LRP1B: variants seen among roughly 807,000 people sequenced by gnomAD.
LRP1B encodes the protein low-density lipoprotein receptor-related protein 1B.
In LRP1B, 217 loss-of-function variants were observed where a neutral mutation model predicts 556.6. The observed-to-expected ratio is 0.39, with a 90% CI of 0.35 to 0.44. The LOEUF is 0.44. LRP1B is among the 20% of genes least tolerant of loss of function. LRP1B has a pLI of 1.00. For missense variants in LRP1B, 5,053 were observed against 5,620.8 expected (o/e 0.90, Z 3.23); for synonymous variants, 2,047 against 1,865.8 (o/e 1.10, Z -2.50).
chr2:140,593,502 T>C (rs1682310034), intron 43 of LRP1B, among the ~76,000 whole-genome samples: 1 of 152,202 alleles, frequency 6.6e-6, no homozygotes, highest in Non-Finnish European at 1.5e-5. Flanking sequence ...TTCTGGATTT[T>C]TTTGCCTTAA....
At position 140,702,638 on chromosome 2, in the gene LRP1B, G is replaced by A. The variant is rs935087932; in HGVS notation, c.6024-85C>T. 3.3e-6 allele frequency: 4 copies of A among 1,213,698 alleles called. No individual in the cohort carries two copies. The African/African-American group carries it at 6.0e-5, about 18-fold the overall frequency. The allele number at this position is 1,213,698 out of a possible 1,614,324, so 75.2% of individuals were successfully genotyped here. A position where few individuals can be genotyped will look rare whatever the true frequency, so the allele number is the denominator to read the frequency against. Reference sequence around the variant, plus strand: ...ATGCAAAAAGACATTACTAATAACAGCAGTAGCATTCACACTAGAATAAAA... The same window carrying A: ...ATGCAAAAAGACATTACTAATAACAACAGTAGCATTCACACTAGAATAAAA... On this transcript the variant is annotated intron_variant, in intron 37 of 90. Coordinates refer to ENST00000389484, the MANE Select transcript of LRP1B (RefSeq NM_018557.3).
At chr2:141,127,169 C>T (rs932816917) in intron 7 of LRP1B, among the ~76,000 whole-genome samples, 3 of 152,022 alleles carry the variant, frequency 2.0e-5, no homozygotes, top group African/African-American at 7.2e-5. Flanking sequence ...TAGAGAAATG[C>T]AAATTAAAAC....
chr2:141,608,391 A>C (rs941838434), intron 2 of LRP1B, among the ~76,000 whole-genome samples: 5 of 152,218 alleles, frequency 3.3e-5, no homozygotes, highest in Non-Finnish European at 1.5e-5. Context: ...ACAGTATACA[A>C]GGTCACATTA....
At chr2:140,262,651 G>A (rs541688249) in intron 86 of LRP1B, among the ~76,000 whole-genome samples, 3 of 152,220 alleles carry the variant, frequency 2.0e-5, no homozygotes, top group Admixed American at 6.5e-5. Flanking sequence ...ACTGATGTGA[G>A]CAGAATAATA....
intron 1 of LRP1B, among the ~76,000 whole-genome samples, chr2:142,040,232 T>C (rs1704018274): frequency 6.6e-6 from 1 of 151,444 alleles, no homozygotes; most frequent in African/African-American, 2.4e-5. Context: ...ATAATCAAAA[T>C]GTTTGCCTAA....
intron 3 of LRP1B, among the ~76,000 whole-genome samples, chr2:141,266,646 A>G (rs1684902271): frequency 6.6e-6 from 1 of 152,216 alleles, no homozygotes; most frequent in African/African-American, 2.4e-5. Flanking sequence ...CTCATTGGTG[A>G]ATACTGGATT....
At chr2:142,046,897 A>G (rs1704278913) in intron 1 of LRP1B, among the ~76,000 whole-genome samples, 1 of 152,018 alleles carries the variant, frequency 6.6e-6, no homozygotes. Context: ...ATTTCTAGGC[A>G]TTGTAGGTAT....
intron 5 of LRP1B, among the ~76,000 whole-genome samples, chr2:141,243,615 CTTAAA>C (rs920992913): frequency 1.2e-4 from 19 of 152,068 alleles, no homozygotes; most frequent in African/African-American, 2.4e-4. Context: ...ACTATGCATA[CTTAAA>C]TTAAAATTAC....
intron 32 of LRP1B, among the ~76,000 whole-genome samples, chr2:140,785,367 T>G (rs1259017656): frequency 6.6e-6 from 1 of 152,102 alleles, no homozygotes; most frequent in East Asian, 1.9e-4. Context: ...AGAACCTTCC[T>G]GCGTGACAAT....
At chr2:141,024,684 T>A (rs1698167412) in intron 11 of LRP1B, among the ~76,000 whole-genome samples, 1 of 152,038 alleles carries the variant, frequency 6.6e-6, no homozygotes, top group Non-Finnish European at 1.5e-5. Flanking sequence ...CTGTTTTTGT[T>A]CCATGAATTC....
At chr2:141,068,715 T>A (rs545912252) in intron 7 of LRP1B, among the ~76,000 whole-genome samples, 90 of 152,076 alleles carry the variant, frequency 5.9e-4, no homozygotes, top group South Asian at 3.9e-3. Flanking sequence ...CTGCTCATTG[T>A]TAGAAAAGAA....
At chr2:141,795,856 C>CT (rs1695785946) in intron 2 of LRP1B, among the ~76,000 whole-genome samples, 3 of 18,984 alleles carry the variant, frequency 1.6e-4, no homozygotes, top group Non-Finnish European at 2.9e-4. Flanking sequence ...AAACCAGGAG[C>CT]AATATATATA....
At chr2:141,374,769 T>C (rs778612192) in intron 3 of LRP1B, among the ~76,000 whole-genome samples, 4 of 152,208 alleles carry the variant, frequency 2.6e-5, no homozygotes, top group Non-Finnish European at 4.4e-5. Flanking sequence ...ATATCCTGAA[T>C]TGATTTTCTG....
intron 3 of LRP1B, among the ~76,000 whole-genome samples, chr2:141,316,176 T>A (rs755156030): frequency 6.6e-6 from 1 of 152,068 alleles, no homozygotes; most frequent in Admixed American, 6.6e-5. Flanking sequence ...CTGTCTTGGA[T>A]AGCCTTATAA....
intron 2 of LRP1B, among the ~76,000 whole-genome samples, chr2:141,729,395 A>T (rs1180212108): frequency 1.3e-5 from 2 of 152,122 alleles, no homozygotes; most frequent in Non-Finnish European, 2.9e-5. Flanking sequence ...GGTTTTGAAG[A>T]AGGGTCTTAG....
rs370848609 is a variant in LRP1B at position 140,293,794 on chromosome 2, A to G, written c.12967+4014T>C. ...CAAAAAAACAGCATCACCATACAGC[A>G]AGAATGTTTGTTGACATCTTGATCA... On this transcript the variant is annotated intron_variant, in intron 84 of 90. Coordinates refer to ENST00000389484, the MANE Select transcript of LRP1B (RefSeq NM_018557.3). Among the ~76,000 whole-genome samples the G allele has an allele frequency of 1.3e-4, 20 of 152,180 alleles. No individual in the cohort carries two copies. In the East Asian group the frequency reaches 1.7e-3, roughly 13 times the overall value.
intron 2 of LRP1B, among the ~76,000 whole-genome samples, chr2:141,551,578 G>T (rs1685751629): frequency 6.6e-6 from 1 of 151,998 alleles, no homozygotes; most frequent in Non-Finnish European, 1.5e-5. Flanking sequence ...AAATGACAAA[G>T]CAAAGAGTCT....
chr2:140,588,022 C>G lies in LRP1B; in HGVS notation c.7194+10609G>C, dbSNP rs573614552. On this transcript the variant is annotated intron_variant, in intron 43 of 90. Transcript: ENST00000389484. Reference sequence around the variant, plus strand: ...GAAATAAAGAGAACATCAAAACAGTCTCAGATGAAAGGAAATTAAGATAAT... The same window carrying G: ...GAAATAAAGAGAACATCAAAACAGTGTCAGATGAAAGGAAATTAAGATAAT... Among the ~76,000 whole-genome samples the G allele has an allele frequency of 1.8e-4, 28 of 152,032 alleles. 1 individual carries two copies. In the South Asian group the frequency reaches 5.8e-3, roughly 32 times the overall value.
At chr2:140,551,849 T>C (rs956570994) in intron 43 of LRP1B, among the ~76,000 whole-genome samples, 10 of 152,142 alleles carry the variant, frequency 6.6e-5, no homozygotes, top group Admixed American at 2.6e-4. Context: ...CCTTTTTAGT[T>C]ATCAGTAAGA....
Sources: allele counts gnomAD v4.1 joint callset (sites outside exome capture counted in the v4.1 genomes callset), GRCh38; gene constraint gnomAD v4.1.1; transcripts MANE v1.5; gene names NCBI Gene and HGNC (gene_info 2026-07-23, HGNC 2026-07-21).